SPACA3: variants seen among roughly 807,000 people sequenced by gnomAD.
SPACA3 encodes the protein sperm acrosome membrane-associated protein 3.
Under a neutral mutation model 24.5 loss-of-function variants are expected in SPACA3, and 21 were observed. That is an observed-to-expected ratio of 0.86 (90% CI 0.61 to 1.24). SPACA3 has a LOEUF of 1.24. Among genes scored for constraint, SPACA3 ranks in the 50% most tolerant of loss-of-function variants. SPACA3 has a pLI of 0.00. For synonymous variants in SPACA3, 115 were observed against 106.9 expected, an observed-to-expected ratio of 1.08 and a Z score of -0.47; for missense variants, 278 against 275.5, an observed-to-expected ratio of 1.01 and a Z score of -0.06.
chr17:32,995,216 T>C (rs28966), intron 1 of SPACA3, among the ~76,000 whole-genome samples, 193 bp from the exon 2 acceptor site: 26,211 of 152,058 alleles, frequency 0.17, 2,698 homozygotes, highest in East Asian at 0.32. Context: ...AAATAATCCG[T>C]AACGTGTAAT....
chr17:32,996,739 C>A, intron 2 of SPACA3, 104 bp from the exon 3 acceptor site: 1 of 1,291,078 alleles, frequency 7.7e-7, no homozygotes, highest in Non-Finnish European at 1.0e-6. Context: ...CTTGATCAGG[C>A]AGGAGAGGCT....
At chr17:32,994,782 T>C (rs1388457107) in intron 1 of SPACA3, among the ~76,000 whole-genome samples, 1 of 152,132 alleles carries the variant, frequency 6.6e-6, no homozygotes, top group Non-Finnish European at 1.5e-5. Context: ...GCTAATGTCC[T>C]CTGTGATTTG....
chr17:32,992,017 TGG>T (rs2091692719), intron 1 of SPACA3, 45 bp downstream of exon 1: 1 of 1,605,450 alleles, frequency 6.2e-7, no homozygotes, highest in East Asian at 2.2e-5. Context: ...ACAGGGGCGC[TGG>T]GTTGGTCTGG....
chr17:32,995,738 C>T lies in SPACA3; in HGVS notation c.343+21C>T, dbSNP rs201373267. 2.9e-4 allele frequency: 464 copies of T among 1,601,852 alleles called. 7 individuals carry two copies. The East Asian group carries it at 7.9e-3, about 27-fold the overall frequency. On this transcript the variant is annotated intron_variant, in intron 2 of 4. Transcript: ENST00000269053. ...TGACTGTGAGAACCCCTCTCCCTGG[C>T]GGGCCCTGACTTCCCCACACCTCCC...
At position 32,995,470 on chromosome 17, in the gene SPACA3, C is replaced by T; in HGVS notation, c.96C>T (p.Cys32=). 1 of 1,613,618 alleles carries T rather than the reference C, an allele frequency of 6.2e-7. No homozygotes were observed. The highest frequency in any genetic ancestry group is 8.5e-7 in the Non-Finnish European group (1 of 1,179,560). ...SVSGPRRLVS[C]LSSQSSALSQ... ...GTGGACCACGGAGGCTGGTGAGCTGCCTGTCATCCCAAAGCTCAGCTCTGA... is the reference window on the plus strand; with the variant it reads ...GTGGACCACGGAGGCTGGTGAGCTGTCTGTCATCCCAAAGCTCAGCTCTGA... Residue 32 remains cysteine (C), a synonymous_variant, in exon 2 of 5, where the codon TGC becomes TGT. Transcript: ENST00000269053.
chr17:32,995,325 G>A, intron 1 of SPACA3, 84 bp from the exon 2 acceptor site: 2 of 1,329,582 alleles, frequency 1.5e-6, no homozygotes, highest in South Asian at 2.8e-5. Context: ...TCAGGGTGAT[G>A]CTGATCAGGA....
At chr17:32,992,998 G>T in intron 1 of SPACA3, 2 of 469,656 alleles carry the variant, frequency 4.3e-6, no homozygotes. Flanking sequence ...AAGGAAGCCA[G>T]GATGGAGGTG....
chr17:32,994,320 T>TA (rs779910041), intron 1 of SPACA3, among the ~76,000 whole-genome samples: 1 of 152,162 alleles, frequency 6.6e-6, no homozygotes, highest in Non-Finnish European at 1.5e-5. Context: ...AGGCAGGTGT[T>TA]ACTCACGTCC....
chr17:32,994,574 G>A (rs139213013), intron 1 of SPACA3, among the ~76,000 whole-genome samples: 197 of 152,254 alleles, frequency 1.3e-3, no homozygotes, highest in African/African-American at 4.5e-3. Flanking sequence ...GTGTGGAGGC[G>A]CAGAGGTCAA....
At chr17:32,992,503 A>G (rs2091695652) in intron 1 of SPACA3, among the ~76,000 whole-genome samples, 1 of 152,222 alleles carries the variant, frequency 6.6e-6, no homozygotes, top group South Asian at 2.1e-4. Flanking sequence ...AACTCTGCAG[A>G]TAAATAAGAC....
intron 1 of SPACA3, among the ~76,000 whole-genome samples, chr17:32,994,463 A>T (rs1277284812): frequency 6.6e-6 from 1 of 152,206 alleles, no homozygotes; most frequent in Non-Finnish European, 1.5e-5. Context: ...CCTCGGGGGC[A>T]TTCAAGGTCC....
At chr17:32,993,124 A>G (rs144981256) in intron 1 of SPACA3, 2 of 369,896 alleles carry the variant, frequency 5.4e-6, no homozygotes, top group African/African-American at 2.1e-5. Context: ...AATGACATTC[A>G]TATTTCCAGT....
At chr17:32,993,767 G>A (rs7225146) in intron 1 of SPACA3, among the ~76,000 whole-genome samples, 2 of 151,760 alleles carry the variant, frequency 1.3e-5, no homozygotes, top group South Asian at 4.2e-4. Context: ...GAGACTTGAG[G>A]GAAGGCATTT....
chr17:32,994,029 G>A (rs1207577973), intron 1 of SPACA3, among the ~76,000 whole-genome samples: 2 of 152,110 alleles, frequency 1.3e-5, no homozygotes, highest in Admixed American at 6.5e-5. Context: ...GGCAGAAAGA[G>A]GAAGAAATTC....
chr17:32,997,370 T>TAC, intron 3 of SPACA3, 75 bp from the exon 4 acceptor site: 5 of 1,052,512 alleles, frequency 4.8e-6, no homozygotes, highest in Non-Finnish European at 5.8e-6. Context: ...GACAGACAGA[T>TAC]ACACACTCAC....
At chr17:32,995,846 A>G (rs1189596546) in intron 2 of SPACA3, 129 bp downstream of exon 2, 5 of 1,093,912 alleles carry the variant, frequency 4.6e-6, no homozygotes, top group Non-Finnish European at 6.4e-6. Context: ...ACTGAAGATG[A>G]TTTGAGATGG....
chr17:32,992,681 T>C (rs1315946064), intron 1 of SPACA3, among the ~76,000 whole-genome samples: 3 of 152,268 alleles, frequency 2.0e-5, no homozygotes, highest in Non-Finnish European at 4.4e-5. Flanking sequence ...ACACCTCTGA[T>C]AAGACCCTTC....
chr17:32,996,810 C>A (rs750992831), intron 2 of SPACA3, 33 bp from the exon 3 acceptor site: 4 of 1,478,406 alleles, frequency 2.7e-6, no homozygotes, highest in Non-Finnish European at 3.6e-6. Flanking sequence ...CTGTAACCAT[C>A]TGACCCCCAG....
chr17:32,995,817 T>C, intron 2 of SPACA3, 100 bp downstream of exon 2: 1 of 1,320,792 alleles, frequency 7.6e-7, no homozygotes, highest in Non-Finnish European at 1.0e-6. Context: ...CTTCGGGAGC[T>C]TTTAGAGCCC....
Sources: allele counts gnomAD v4.1 joint callset (sites outside exome capture counted in the v4.1 genomes callset), GRCh38; gene constraint gnomAD v4.1.1; transcripts MANE v1.5; gene names NCBI Gene and HGNC (gene_info 2026-07-23, HGNC 2026-07-21).